The following ST8SIA6 variants were observed in gnomAD, a reference collection of about 807,000 sequenced individuals.
ST8SIA6 encodes the protein alpha-2,8-sialyltransferase 8F.
ST8SIA6 carries 39 observed loss-of-function variants against 33.6 expected under a neutral mutation model. The observed-to-expected ratio is 1.16, with a 90% CI of 0.90 to 1.52. The LOEUF (loss-of-function observed/expected upper bound fraction) is 1.52. Among genes scored for constraint, ST8SIA6 ranks in the 40% most tolerant of loss-of-function variants. The probability of loss-of-function intolerance (pLI) is 0.00; values close to 1 mark genes in which losing one functional copy is unlikely to be tolerated. For synonymous variants in ST8SIA6, 172 were observed against 167.2 expected (o/e 1.03, Z -0.22); for missense variants, 441 against 443.8 (o/e 0.99, Z 0.06).
intron 2 of ST8SIA6, among the ~76,000 whole-genome samples, chr10:17,429,005 T>A (rs1852020893): frequency 6.6e-6 from 1 of 152,060 alleles, no homozygotes; most frequent in South Asian, 2.1e-4. Flanking sequence ...TCCTGTTGTG[T>A]GTGGGGATTC....
At position 17,454,248 on chromosome 10, in the gene ST8SIA6, G is replaced by C. The variant is rs1156765853; in HGVS notation, c.8C>G (p.Pro3Arg). The change falls in exon 1 of 8, where the codon CCG (proline) becomes CGG (arginine). Residue 3 changes from proline (P) to arginine (R), a missense_variant. Coordinates refer to ENST00000377602, the MANE Select transcript of ST8SIA6 (RefSeq NM_001004470.3). The surrounding 1 kb of genome is among the most constrained non-coding windows in gnomAD (Gnocchi z 4.1). ...GAGCAGGGCGAGCAGTGCGCCCCCCGGCCGCATCCTGAGCCACAGGCGCCG... is the reference window on the plus strand; with the variant it reads ...GAGCAGGGCGAGCAGTGCGCCCCCCCGCCGCATCCTGAGCCACAGGCGCCG... MRPGGALLALLAS... is the reference protein window; with the variant it reads MRRGGALLALLAS... 4.2e-6 allele frequency: 1 copy of C among 237,714 alleles called. No homozygotes were observed. The highest frequency in any genetic ancestry group is 5.7e-5 in the Admixed American group (1 of 17,662). 14.7% of individuals were successfully genotyped at this position (237,714 alleles called of 1,614,324 possible). A position where few individuals can be genotyped will look rare whatever the true frequency, so the allele number is the denominator to read the frequency against.
chr10:17,324,708 T>TACAC (rs6143806), intron 6 of ST8SIA6, among the ~76,000 whole-genome samples: 4,275 of 139,962 alleles, frequency 0.031, 93 homozygotes, highest in East Asian at 0.11. Flanking sequence ...ATATAGAGTA[T>TACAC]ACACACACAC....
At chr10:17,412,588 C>T (rs373026743) in intron 2 of ST8SIA6, among the ~76,000 whole-genome samples, 3 of 152,216 alleles carry the variant, frequency 2.0e-5, no homozygotes, top group African/African-American at 7.2e-5. Context: ...GAGCCAGTCA[C>T]TGCTACATCA....
chr10:17,357,132 CT>C (rs202142043), intron 4 of ST8SIA6, among the ~76,000 whole-genome samples: 51 of 137,668 alleles, frequency 3.7e-4, no homozygotes, highest in Admixed American at 4.4e-4. Context: ...GCCTTCAGTT[CT>C]TTTTTTTTTT....
intron 2 of ST8SIA6, among the ~76,000 whole-genome samples, chr10:17,417,656 T>C (rs1398196119): frequency 6.6e-6 from 1 of 152,116 alleles, no homozygotes; most frequent in Non-Finnish European, 1.5e-5. Context: ...ACTGAAAGAA[T>C]GAAGTTGATC....
At chr10:17,399,165 T>G (rs1486644166) in intron 2 of ST8SIA6, 1 of 152,216 alleles carries the variant, frequency 6.6e-6, no homozygotes, top group East Asian at 1.9e-4. Context: ...GGCTGCCTTT[T>G]AATTTCGTCC....
chr10:17,347,184 C>T (rs1848866249), intron 4 of ST8SIA6, among the ~76,000 whole-genome samples: 1 of 152,222 alleles, frequency 6.6e-6, no homozygotes, highest in African/African-American at 2.4e-5. Context: ...GATTAAATCA[C>T]TGGGTACTAT....
chr10:17,389,841 G>A (rs563399044), intron 3 of ST8SIA6, among the ~76,000 whole-genome samples: 2 of 152,206 alleles, frequency 1.3e-5, no homozygotes, highest in African/African-American at 4.8e-5. Context: ...GTTGATTTTA[G>A]AGACAGGATT....
chr10:17,326,104 G>T (rs867359264), intron 6 of ST8SIA6, among the ~76,000 whole-genome samples: 13 of 152,056 alleles, frequency 8.5e-5, no homozygotes, highest in African/African-American at 3.1e-4. Flanking sequence ...TTGCACTGTC[G>T]GGTCTATTGT....
chr10:17,412,146 T>C (rs74336930), intron 2 of ST8SIA6, among the ~76,000 whole-genome samples: 2,804 of 152,156 alleles, frequency 0.018, 83 homozygotes, highest in Admixed American at 0.072. Flanking sequence ...GGGATCCCTC[T>C]TGACCATGGT....
At chr10:17,336,070 C>G (rs1178100245) in intron 4 of ST8SIA6, among the ~76,000 whole-genome samples, 4 of 151,872 alleles carry the variant, frequency 2.6e-5, no homozygotes, top group Non-Finnish European at 4.4e-5. Context: ...ATTCTCCTAC[C>G]TCAGTCTCCC....
intron 2 of ST8SIA6, among the ~76,000 whole-genome samples, chr10:17,411,878 A>G (rs1327887538): frequency 1.3e-5 from 2 of 152,118 alleles, no homozygotes; most frequent in Admixed American, 6.5e-5. Flanking sequence ...TTCACACTTC[A>G]TGATGAACAT....
At chr10:17,346,112 T>G (rs567946108) in intron 4 of ST8SIA6, among the ~76,000 whole-genome samples, 1 of 152,326 alleles carries the variant, frequency 6.6e-6, no homozygotes, top group East Asian at 1.9e-4. Context: ...CCCAAAGGAA[T>G]TGAGCCTTCT....
chr10:17,414,619 C>T (rs965352526), intron 2 of ST8SIA6, among the ~76,000 whole-genome samples: 4 of 152,168 alleles, frequency 2.6e-5, no homozygotes, highest in African/African-American at 4.8e-5. Flanking sequence ...GGTGAGGGCT[C>T]TCTTCCTGGC....
chr10:17,362,573 C>G (rs1429777189), intron 3 of ST8SIA6, among the ~76,000 whole-genome samples: 1 of 152,178 alleles, frequency 6.6e-6, no homozygotes, highest in Admixed American at 6.5e-5. Context: ...AATAGCCTCT[C>G]TCATGTTAAA....
chr10:17,440,043 A>G (rs1852417513), intron 2 of ST8SIA6, among the ~76,000 whole-genome samples: 2 of 152,274 alleles, frequency 1.3e-5, no homozygotes, highest in South Asian at 4.1e-4. Context: ...TCACTCCATT[A>G]CAGCAATTTG....
intron 2 of ST8SIA6, among the ~76,000 whole-genome samples, chr10:17,442,105 G>A (rs1852519316): frequency 6.6e-6 from 1 of 152,148 alleles, no homozygotes; most frequent in African/African-American, 2.4e-5. Flanking sequence ...CTGACCTCGT[G>A]ATCCACCTGC....
intron 3 of ST8SIA6, among the ~76,000 whole-genome samples, chr10:17,378,610 G>A (rs1444524): frequency 0.43 from 65,124 of 151,820 alleles, 15,542 homozygotes; most frequent in African/African-American, 0.65. Flanking sequence ...TGTAACACCC[G>A]CATACCCAAC....
At chr10:17,394,574 A>G (rs1471096067) in intron 2 of ST8SIA6, among the ~76,000 whole-genome samples, 9 of 152,176 alleles carry the variant, frequency 5.9e-5, no homozygotes, top group Admixed American at 5.9e-4. Flanking sequence ...AGGTACAGAC[A>G]GAGAAGCCCT....
Sources: allele counts gnomAD v4.1 joint callset (sites outside exome capture counted in the v4.1 genomes callset), GRCh38; gene constraint gnomAD v4.1.1; non-coding constraint Gnocchi (gnomAD v3.1); transcripts MANE v1.5; gene names NCBI Gene and HGNC (gene_info 2026-07-23, HGNC 2026-07-21).